PCBP3: variants seen among roughly 807,000 people sequenced by gnomAD.
The protein encoded by PCBP3 is poly(rC) binding protein 3.
A neutral mutation model predicts 52.7 loss-of-function variants in PCBP3; 25 were observed. The observed-to-expected ratio is 0.47, with a 90% CI of 0.35 to 0.66. The LOEUF is 0.66. Ranked by LOEUF, PCBP3 falls within the 30% of genes least tolerant of loss-of-function variation. PCBP3 has a pLI of 0.01. For synonymous variants in PCBP3, 162 were observed against 183.0 expected, an observed-to-expected ratio of 0.89 and a Z score of 0.93; for missense variants, 391 against 490.3, an observed-to-expected ratio of 0.80 and a Z score of 1.91.
At chr21:45,911,241 G>A (rs746162660) in intron 11 of PCBP3, 45 of 656,682 alleles carry the variant, frequency 6.9e-5, no homozygotes, top group South Asian at 2.1e-4. Context: ...CAGTGTCTTC[G>A]TGGGGGCGTC....
chr21:45,823,464 G>A (rs185403750), intron 4 of PCBP3, among the ~76,000 whole-genome samples: 5 of 152,272 alleles, frequency 3.3e-5, no homozygotes, highest in East Asian at 1.9e-4. Context: ...CACCCCAGGC[G>A]TGGACTTTCC....
chr21:45,660,837 G>A (rs372672709), intron 1 of PCBP3, among the ~76,000 whole-genome samples: 2 of 152,076 alleles, frequency 1.3e-5, no homozygotes, highest in South Asian at 2.1e-4. Flanking sequence ...TCAGGAGTTC[G>A]AGACCAGCCT....
chr21:45,772,890 G>C (rs950615272), intron 4 of PCBP3, among the ~76,000 whole-genome samples: 2 of 151,998 alleles, frequency 1.3e-5, no homozygotes, highest in African/African-American at 4.8e-5. Flanking sequence ...TTTAAGAAAT[G>C]TCTATTAAGG....
chr21:45,896,101 A>G, intron 5 of PCBP3, 107 bp from the exon 6 acceptor site: 2 of 1,079,150 alleles, frequency 1.9e-6, no homozygotes, highest in Non-Finnish European at 2.7e-6. Flanking sequence ...GGGCAACCCC[A>G]TTCTCCTGCC....
chr21:45,889,679 T>C (rs2839036), intron 5 of PCBP3, among the ~76,000 whole-genome samples: 74,149 of 152,040 alleles, frequency 0.49, 19,979 homozygotes, highest in African/African-American at 0.73. Flanking sequence ...GAACAATTCC[T>C]GAGTCTCCCT....
At chr21:45,930,876 G>A in intron 15 of PCBP3, 31 bp downstream of exon 15, 1 of 1,612,358 alleles carries the variant, frequency 6.2e-7, no homozygotes, top group Non-Finnish European at 8.5e-7. Context: ...CAGGAGAACA[G>A]GCCAGGGCAG....
chr21:45,789,411 CGT>C (rs1171554325), intron 4 of PCBP3, among the ~76,000 whole-genome samples: 1 of 151,546 alleles, frequency 6.6e-6, no homozygotes, highest in Non-Finnish European at 1.5e-5. Context: ...TGTTTGTGAT[CGT>C]GTCTTTTCAT....
intron 5 of PCBP3, among the ~76,000 whole-genome samples, chr21:45,866,223 GCCC>G: frequency 6.6e-6 from 1 of 152,186 alleles, no homozygotes; most frequent in Non-Finnish European, 1.5e-5. Flanking sequence ...CTGAGGTAGG[GCCC>G]AGCTGAGTGT....
chr21:45,652,659 T>C (rs866702608), intron 1 of PCBP3, among the ~76,000 whole-genome samples: 6 of 152,084 alleles, frequency 3.9e-5, no homozygotes, highest in Admixed American at 1.3e-4. Context: ...GCCAGGCTGG[T>C]CTCAAACTCC....
intron 4 of PCBP3, among the ~76,000 whole-genome samples, chr21:45,799,447 A>G (rs984912558): frequency 2.0e-5 from 3 of 151,664 alleles, no homozygotes; most frequent in African/African-American, 7.3e-5. Flanking sequence ...ATTATTGTTA[A>G]TCTTCCTCTG....
chr21:45,789,346 G>A (rs1214849737), intron 4 of PCBP3, among the ~76,000 whole-genome samples: 2 of 152,212 alleles, frequency 1.3e-5, no homozygotes, highest in Non-Finnish European at 2.9e-5. Flanking sequence ...GTGTGCATGA[G>A]TGGGTGCATG....
At chr21:45,907,869 T>G in intron 9 of PCBP3, among the ~76,000 whole-genome samples, 1 of 148,996 alleles carries the variant, frequency 6.7e-6, no homozygotes, top group African/African-American at 2.5e-5. Flanking sequence ...GGGGGAGTGC[T>G]GGGCAGGGGC....
intron 4 of PCBP3, among the ~76,000 whole-genome samples, chr21:45,834,342 G>A (rs977012708): frequency 2.1e-4 from 32 of 152,230 alleles, no homozygotes; most frequent in Non-Finnish European, 1.0e-4. Context: ...TGGAAGTTGT[G>A]AATGAATGAC....
intron 5 of PCBP3, among the ~76,000 whole-genome samples, chr21:45,877,383 T>C (rs1382272933): frequency 1.3e-5 from 2 of 152,242 alleles, no homozygotes; most frequent in Admixed American, 1.3e-4. Flanking sequence ...CACTTCTTAC[T>C]AGGGCAGTAT....
intron 4 of PCBP3, among the ~76,000 whole-genome samples, chr21:45,799,146 A>C (rs568824170): frequency 6.6e-6 from 1 of 152,368 alleles, no homozygotes; most frequent in South Asian, 2.1e-4. Context: ...GAGAGAGTGA[A>C]AGTGTGCATG....
chr21:45,930,218 A>G (rs551852376), intron 14 of PCBP3, among the ~76,000 whole-genome samples: 1 of 152,272 alleles, frequency 6.6e-6, no homozygotes, highest in African/African-American at 2.4e-5. Context: ...TTCACCTTAC[A>G]GCTGGCCTTG....
At chr21:45,879,408 C>T (rs531936596) in intron 5 of PCBP3, among the ~76,000 whole-genome samples, 7 of 152,276 alleles carry the variant, frequency 4.6e-5, no homozygotes, top group South Asian at 2.1e-4. Flanking sequence ...TCAGCAAACA[C>T]GAGGACAGCT....
chr21:45,676,129 T>G (rs1460560153), intron 2 of PCBP3, among the ~76,000 whole-genome samples: 1 of 152,244 alleles, frequency 6.6e-6, no homozygotes, highest in Non-Finnish European at 1.5e-5. Context: ...CTGTTTTTAC[T>G]TTAAAGAACA....
At chr21:45,848,227 G>A (rs73234762) in intron 4 of PCBP3, 5,281 of 152,220 alleles carry the variant, frequency 0.035, 127 homozygotes, top group Non-Finnish European at 0.053. Context: ...ATTTTCTGGG[G>A]TTTCGATACT....
Sources: allele counts gnomAD v4.1 joint callset (sites outside exome capture counted in the v4.1 genomes callset), GRCh38; gene constraint gnomAD v4.1.1; transcripts MANE v1.5; gene names NCBI Gene and HGNC (gene_info 2026-07-23, HGNC 2026-07-21).